Variants in NADSYN1 observed in about 807,000 individuals in gnomAD.
The protein encoded by NADSYN1 is glutamine-dependent NAD(+) synthetase.
A neutral mutation model predicts 99.3 loss-of-function variants in NADSYN1; 80 were observed. The observed-to-expected ratio is 0.81, with a 90% CI of 0.67 to 0.97. The LOEUF (loss-of-function observed/expected upper bound fraction) is 0.97. NADSYN1 is among the 50% of genes least tolerant of loss of function. The pLI is 0.00. For synonymous variants in NADSYN1, 385 were observed against 372.1 expected, an observed-to-expected ratio of 1.03 and a Z score of -0.40; for missense variants, 859 against 948.5, an observed-to-expected ratio of 0.91 and a Z score of 1.24.
chr11:71,480,840 C>T lies in NADSYN1; in HGVS notation c.959C>T (p.Pro320Leu), dbSNP rs1450394600. 6.2e-7 allele frequency: 1 copy of T among 1,614,026 alleles called. No individual in the cohort carries two copies. Among genetic ancestry groups the T allele is most frequent in the African/African-American group, 1.3e-5 (1 of 74,906 alleles). Residue 320 changes from proline to leucine, a missense_variant, in exon 11 of 21, where the codon CCC becomes CTC. Physicochemically the swap from Pro to Leu is moderately conservative, Grantham distance 98. Transcript: ENST00000319023. ...HEDLLAPISE[P>L]IEWKYHSPEE... is the part of the protein sequence containing the mutation. The stretch of plus-strand genomic sequence containing the variant: ...GACTTGCTGGCACCCATCTCTGAGC[C>T]CATCGAGTGGAAATACCACAGCCCT...
At position 71,458,511 on chromosome 11, in the gene NADSYN1, C is replaced by T. The variant is rs199878016; in HGVS notation, c.230C>T (p.Pro77Leu). Reference protein sequence around the residue: ...FQVLAALVESPVTQDIICDVG... With the variant: ...FQVLAALVESLVTQDIICDVG... The stretch of plus-strand genomic sequence containing the variant: ...GTCCTAGCGGCCCTTGTGGAGTCTC[C>T]CGTCACTCAGGACATCATCTGCGAC... The change falls in exon 3 of 21, where the codon CCC (proline) becomes CTC (leucine). Residue 77 changes from proline to leucine, a missense_variant. Coordinates refer to ENST00000319023, the MANE Select transcript of NADSYN1 (RefSeq NM_018161.5). 294 of 1,612,814 alleles carry T rather than the reference C, an allele frequency of 1.8e-4. No individual in the cohort carries two copies. The highest frequency in any genetic ancestry group is 5.4e-5 in the Non-Finnish European group (64 of 1,178,800).
chr11:71,490,890 C>A lies in NADSYN1; in HGVS notation c.1608C>A (p.Ile536=), dbSNP rs1194676770. 1.9e-6 allele frequency: 3 copies of A among 1,614,230 alleles called. No homozygotes were observed. Among genetic ancestry groups the A allele is most frequent in the Non-Finnish European group, 2.5e-6 (3 of 1,180,034 alleles). The part of the protein sequence containing the change: ...LTKYDCSSAD[I]NPIGGISKTD... ...AGTACGACTGCTCCAGTGCGGACAT[C>A]AACCCCATAGGCGGGATCAGCAAGA... The change falls in exon 17 of 21, where the codon ATC becomes ATA. Residue 536 remains isoleucine, a synonymous_variant. Transcript: ENST00000319023.
intron 11 of NADSYN1, 103 bp downstream of exon 11, chr11:71,480,982 G>A: frequency 2.0e-6 from 3 of 1,501,848 alleles, no homozygotes; most frequent in Non-Finnish European, 2.7e-6. Context: ...GAACCTGCCT[G>A]GGTGGGGACT....
intron 18 of NADSYN1, chr11:71,496,845 CT>C (rs1356727508): frequency 6.5e-5 from 10 of 152,854 alleles, no homozygotes; most frequent in African/African-American, 2.2e-4. Context: ...TTAATTACAT[CT>C]GCAAAGACGT....
At chr11:71,469,244 ATTCGAGACCAGCTCAGAAG>A (rs1199139849) in intron 5 of NADSYN1, among the ~76,000 whole-genome samples, 1 of 152,194 alleles carries the variant, frequency 6.6e-6, no homozygotes, top group Non-Finnish European at 1.5e-5. Flanking sequence ...GAAGTTCAGG[ATTCGAGACCAGCTCAGAAG>A]TTCGAGACCA....
intron 10 of NADSYN1, chr11:71,479,888 G>A (rs150479520): frequency 6.6e-5 from 10 of 152,238 alleles, no homozygotes; most frequent in Non-Finnish European, 8.8e-5. Flanking sequence ...TTGAATCTGC[G>A]GGTGTAGAAC....
chr11:71,492,654 T>C (rs1470187277), intron 18 of NADSYN1, among the ~76,000 whole-genome samples: 1 of 152,172 alleles, frequency 6.6e-6, no homozygotes, highest in Non-Finnish European at 1.5e-5. Context: ...GTCCTGATTA[T>C]TATAACTCTG....
At position 71,482,726 on chromosome 11, in the gene NADSYN1, C is replaced by T. The variant is rs948049003; in HGVS notation, c.1151-123C>T. The T allele has an allele frequency of 3.7e-6, 4 of 1,081,364 alleles. No individual in the cohort carries two copies. The African/African-American group carries it at 6.7e-5, about 18-fold the overall frequency. The allele number at this position is 1,081,364 out of a possible 1,614,324, so 67.0% of individuals were successfully genotyped here. ...GTAGACCGGGGTGGAGCCGCACAGG[C>T]ACCTGGGGGTGTAGACCGGGGTGGA... On this transcript the variant is annotated intron_variant, in intron 13 of 20. Coordinates refer to ENST00000319023, the MANE Select transcript of NADSYN1 (RefSeq NM_018161.5).
chr11:71,477,315 TCACA>T (rs3838793), intron 9 of NADSYN1: 214,567 of 1,287,062 alleles, frequency 0.17, 21,269 homozygotes, highest in South Asian at 0.34. Context: ...TTTTATGGCT[TCACA>T]CGGACCGTGG....
At chr11:71,499,679 C>T (rs1174801850) in intron 20 of NADSYN1, 2 of 152,240 alleles carry the variant, frequency 1.3e-5, no homozygotes, top group East Asian at 3.8e-4. Context: ...GACAGAGCAG[C>T]TTGGCCATGG....
At chr11:71,490,219 C>T (rs1233469532) in intron 16 of NADSYN1, among the ~76,000 whole-genome samples, 1 of 152,210 alleles carries the variant, frequency 6.6e-6, no homozygotes, top group Non-Finnish European at 1.5e-5. Context: ...CACCAGCGGC[C>T]TCGCGTCTCT....
At chr11:71,455,869 T>C (rs1250778285) in intron 2 of NADSYN1, among the ~76,000 whole-genome samples, 1 of 152,276 alleles carries the variant, frequency 6.6e-6, no homozygotes, top group African/African-American at 2.4e-5. Context: ...TTATCGTTTC[T>C]TATATGCCTT....
In NADSYN1 at chr11:71,468,534, AAAG is replaced by A. The variant is rs141568826; in HGVS notation, c.408-3910_408-3908del. Among the ~76,000 whole-genome samples the A allele has an allele frequency of 8.2e-3, 1,248 of 152,370 alleles. 44 individuals are homozygous for A. The East Asian group carries it at 0.14, about 17-fold the overall frequency. On this transcript the variant is annotated intron_variant, in intron 5 of 20. Transcript: ENST00000319023. ...GATTGTCAAAATAGCAGGCAGAAGA[AAAG>A]AAGACTAAAAAGGAAAAAATGAAAT...
chr11:71,470,154 A>G (rs920175693), intron 5 of NADSYN1, among the ~76,000 whole-genome samples: 1 of 152,224 alleles, frequency 6.6e-6, no homozygotes, highest in Admixed American at 6.5e-5. Flanking sequence ...AAAAGCATCA[A>G]ATCTCCTAAG....
Position 71,478,753 on chromosome 11 carries a change from A to G in NADSYN1, c.873+284A>G, listed in dbSNP as rs1230902113. 8 of 382,074 alleles carry G rather than the reference A, an allele frequency of 2.1e-5. No individual in the cohort carries two copies. In the Admixed American group the frequency reaches 2.5e-4, roughly 12 times the overall value. 23.7% of individuals were successfully genotyped at this position (382,074 alleles called of 1,614,324 possible). ...GTCAGCGTGCTAGGGGCTGCCACAC[A>G]AGGAAGACCCAAGCAGCCTTGGAGC... On this transcript the variant is annotated intron_variant, in intron 10 of 20. Coordinates refer to ENST00000319023, the MANE Select transcript of NADSYN1 (RefSeq NM_018161.5).
At chr11:71,455,891 C>T (rs1177032452) in intron 2 of NADSYN1, among the ~76,000 whole-genome samples, 5 of 152,176 alleles carry the variant, frequency 3.3e-5, no homozygotes, top group Non-Finnish European at 7.4e-5. Flanking sequence ...TTGTAAAAAT[C>T]AGGAAAACTG....
At chr11:71,475,016 G>A (rs532306314) in intron 9 of NADSYN1, 15 of 198,748 alleles carry the variant, frequency 7.5e-5, no homozygotes, top group Admixed American at 5.2e-4. Context: ...CGCTGTGGGA[G>A]GCGGGCTCTG....
chr11:71,498,127 T>A (rs2298772), intron 19 of NADSYN1, among the ~76,000 whole-genome samples: 1 of 151,686 alleles, frequency 6.6e-6, no homozygotes, highest in Non-Finnish European at 1.5e-5. Context: ...GCATCAGAGG[T>A]GGGGGACCCC....
chr11:71,471,170 T>G (rs1160307719), intron 5 of NADSYN1, among the ~76,000 whole-genome samples: 1 of 152,198 alleles, frequency 6.6e-6, no homozygotes, highest in Admixed American at 6.5e-5. Context: ...GGTGTCACAC[T>G]GGGCCCTCTG....
Sources: gnomAD v4.1 joint callset for allele counts (sites outside exome capture counted in the v4.1 genomes callset) on GRCh38, gnomAD v4.1.1 for gene constraint, MANE v1.5 for transcripts, NCBI Gene and HGNC (gene_info 2026-07-23, HGNC 2026-07-21) for gene names.